HNRNPC: variants seen among roughly 807,000 people sequenced by gnomAD.
HNRNPC encodes heterogeneous nuclear ribonucleoproteins C1/C2.
A neutral mutation model predicts 33.2 loss-of-function variants in HNRNPC; 3 were observed. The observed-to-expected ratio is 0.09, with a 90% CI of 0.04 to 0.23. HNRNPC has a LOEUF of 0.23. HNRNPC is among the 10% of genes least tolerant of loss of function. The probability of loss-of-function intolerance (pLI) is 1.00; values close to 1 mark genes in which losing one functional copy is unlikely to be tolerated. For synonymous variants in HNRNPC, 121 were observed against 126.7 expected, an observed-to-expected ratio of 0.96 and a Z score of 0.30; for missense variants, 143 against 366.7, an observed-to-expected ratio of 0.39 and a Z score of 4.98.
At chr14:21,234,315 ACT>A in intron 2 of HNRNPC, 86 bp from the exon 3 acceptor site, 1 of 1,220,838 alleles carries the variant, frequency 8.2e-7, no homozygotes, top group East Asian at 2.4e-5. Flanking sequence ...ACTCTGAATC[ACT>A]GTTAACTGCC....
At chr14:21,226,562 A>G (rs1034489662) in intron 5 of HNRNPC, among the ~76,000 whole-genome samples, 2 of 143,914 alleles carry the variant, frequency 1.4e-5, no homozygotes, top group African/African-American at 2.7e-5. Flanking sequence ...CTTCAAATGA[A>G]TATTAAAAAG....
At chr14:21,227,695 T>C (rs1893632845) in intron 5 of HNRNPC, among the ~76,000 whole-genome samples, 1 of 150,266 alleles carries the variant, frequency 6.7e-6, no homozygotes, top group Non-Finnish European at 1.5e-5. Context: ...TCTCAACTAA[T>C]GTTTTCCAAA....
intron 3 of HNRNPC, 25 bp downstream of exon 3, chr14:21,233,928 A>G (rs1236428723): frequency 6.2e-7 from 1 of 1,610,044 alleles, no homozygotes; most frequent in Non-Finnish European, 8.5e-7. Flanking sequence ...CCTGAATTAC[A>G]TCATCAATGA....
At chr14:21,227,870 C>A (rs1893657170) in intron 5 of HNRNPC, among the ~76,000 whole-genome samples, 1 of 152,110 alleles carries the variant, frequency 6.6e-6, no homozygotes, top group Non-Finnish European at 1.5e-5. Context: ...GAAATTATAC[C>A]AACAAAAGTG....
intron 5 of HNRNPC, among the ~76,000 whole-genome samples, chr14:21,218,504 T>C (rs1476313801): frequency 2.0e-5 from 3 of 150,668 alleles, no homozygotes; most frequent in African/African-American, 7.3e-5. Context: ...CTGGCCAACA[T>C]GGTGAAACCC....
intron 2 of HNRNPC, among the ~76,000 whole-genome samples, chr14:21,258,984 C>A (rs1454254222): frequency 6.6e-6 from 1 of 152,120 alleles, no homozygotes; most frequent in African/African-American, 2.4e-5. Context: ...ATAAACCAGA[C>A]CTCTTCTTCA....
intron 5 of HNRNPC, among the ~76,000 whole-genome samples, chr14:21,222,442 A>G (rs1237380873): frequency 6.6e-6 from 1 of 152,148 alleles, no homozygotes; most frequent in Non-Finnish European, 1.5e-5. Flanking sequence ...GGAATCGTAC[A>G]ATGTGTGTCT....
At chr14:21,222,040 CAAAAAAAAA>C (rs71112558) in intron 5 of HNRNPC, among the ~76,000 whole-genome samples, 4 of 65,706 alleles carry the variant, frequency 6.1e-5, no homozygotes, top group African/African-American at 1.9e-4. Flanking sequence ...GACTCCGTCT[CAAAAAAAAA>C]AAAAAAAAAA....
intron 2 of HNRNPC, among the ~76,000 whole-genome samples, chr14:21,251,726 A>G (rs1896703099): frequency 6.6e-6 from 1 of 152,178 alleles, no homozygotes; most frequent in Non-Finnish European, 1.5e-5. Flanking sequence ...GATTTTAGAA[A>G]TACTATGCTT....
intron 2 of HNRNPC, among the ~76,000 whole-genome samples, chr14:21,261,432 C>A (rs1382914132): frequency 6.6e-6 from 1 of 152,070 alleles, no homozygotes; most frequent in Non-Finnish European, 1.5e-5. Flanking sequence ...AATAAAGATT[C>A]CCATTCTTTT....
chr14:21,265,888 A>G (rs1878891834), intron 1 of HNRNPC, among the ~76,000 whole-genome samples: 1 of 152,182 alleles, frequency 6.6e-6, no homozygotes, highest in Non-Finnish European at 1.5e-5. Flanking sequence ...CTAAAGGGGC[A>G]CCTCTCAGAA....
At chr14:21,241,960 T>C (rs553301807) in intron 2 of HNRNPC, among the ~76,000 whole-genome samples, 2 of 152,320 alleles carry the variant, frequency 1.3e-5, no homozygotes, top group South Asian at 2.1e-4. Context: ...TTGTACATCA[T>C]GGTGGGAAAA....
intron 1 of HNRNPC, 146 bp from the exon 2 acceptor site, chr14:21,263,482 A>G (rs1320172771): frequency 6.6e-6 from 1 of 152,244 alleles, no homozygotes; most frequent in Non-Finnish European, 1.5e-5. Flanking sequence ...GCAGACAAGC[A>G]AAGCCCTTTC....
At chr14:21,253,461 CAAAAAAAAAAAAA>C (rs71112561) in intron 2 of HNRNPC, among the ~76,000 whole-genome samples, 4 of 77,278 alleles carry the variant, frequency 5.2e-5, no homozygotes, top group Non-Finnish European at 7.2e-5. Context: ...GACTCCATCT[CAAAAAAAAAAAAA>C]AAAAAAAAAA....
At chr14:21,247,536 A>T (rs1294357700) in intron 2 of HNRNPC, among the ~76,000 whole-genome samples, 1 of 152,226 alleles carries the variant, frequency 6.6e-6, no homozygotes, top group East Asian at 1.9e-4. Flanking sequence ...TATTTTTTGT[A>T]CCCCGAAAAG....
At chr14:21,236,706 T>C (rs946513951) in intron 2 of HNRNPC, among the ~76,000 whole-genome samples, 1 of 152,138 alleles carries the variant, frequency 6.6e-6, no homozygotes, top group African/African-American at 2.4e-5. Flanking sequence ...AATTTTAAAG[T>C]ATCATACAGG....
intron 2 of HNRNPC, among the ~76,000 whole-genome samples, chr14:21,255,542 T>C (rs911265712): frequency 6.6e-6 from 1 of 152,214 alleles, no homozygotes; most frequent in Non-Finnish European, 1.5e-5. Flanking sequence ...TCTTCAACTA[T>C]TAACACTGCT....
Position 21,254,098 on chromosome 14 carries a change from TC to T in HNRNPC, c.-37+9212del, listed in dbSNP as rs1374173609. On this transcript the variant is annotated intron_variant, in intron 2 of 8. Transcript: ENST00000553300. ...AAAAAAAGTGCATACTCTGCCCACCTCCCCGGCAAAAAAGATGTGCATACCC... is the reference window on the plus strand; with the variant it reads ...AAAAAAAGTGCATACTCTGCCCACCTCCCGGCAAAAAAGATGTGCATACCC... 3.9e-5 allele frequency among the ~76,000 whole-genome samples: 5 copies of T among 127,986 alleles called. No homozygotes were observed. The East Asian group carries it at 8.8e-4, about 22-fold the overall frequency. 84.0% of individuals were successfully genotyped at this position (127,986 alleles called of 152,430 possible).
intron 1 of HNRNPC, chr14:21,264,383 G>C (rs1269578735): frequency 6.6e-6 from 1 of 151,970 alleles, no homozygotes; most frequent in Non-Finnish European, 1.5e-5. Context: ...TTTAAATAAG[G>C]AGCACATTAT....
Sources: allele counts gnomAD v4.1 joint callset (sites outside exome capture counted in the v4.1 genomes callset), GRCh38; gene constraint gnomAD v4.1.1; transcripts MANE v1.5; gene names NCBI Gene and HGNC (gene_info 2026-07-23, HGNC 2026-07-21).